Variants in KCNQ1OT1 observed in about 807,000 individuals in gnomAD.
KCNQ1OT1 encodes KCNQ1 antisense RNA 2 (non-protein coding).
Position 2,676,415 on chromosome 11 carries a change from G to A in KCNQ1OT1, n.23580C>T. 2.5e-6 allele frequency: 1 copy of A among 398,650 alleles called. No homozygotes were observed. The highest frequency in any genetic ancestry group is 4.4e-5 in the Admixed American group (1 of 22,738). The allele number at this position is 398,650 out of a possible 1,614,324, so 24.7% of individuals were successfully genotyped here. A position where few individuals can be genotyped will look rare whatever the true frequency, so the allele number is the denominator to read the frequency against. ...TGTTCAGCTAGAGATTTAGCCCAAT[G>A]GGCTGGGCTTTTCCCAGATAGGACA... On this transcript the variant is annotated non_coding_transcript_exon_variant, in exon 1 of 1. Coordinates refer to ENST00000597346, the Ensembl canonical transcript of KCNQ1OT1. This position sits in a 1 kb window ranked among gnomAD's most constrained non-coding sequence, Gnocchi z 4.2.
In KCNQ1OT1 at chr11:2,647,436, G is replaced by A. The variant is rs116778394; in HGVS notation, n.52559C>T. 4.4e-3 allele frequency: 1,771 copies of A among 398,466 alleles called. 16 individuals are homozygous for A. The highest frequency in any genetic ancestry group is 0.026 in the African/African-American group (1,253 of 48,712). The allele number at this position is 398,466 out of a possible 1,614,324, so 24.7% of individuals were successfully genotyped here. On this transcript the variant is annotated non_coding_transcript_exon_variant, in exon 1 of 1. Transcript: ENST00000597346. This position sits in a 1 kb window ranked among gnomAD's most constrained non-coding sequence, Gnocchi z 4.0. Reference sequence around the variant, plus strand: ...AGGATTCTGCATCTATGTTCATCAGGGAGATTGGCCTGTAGTTTTCTTTTT... The same window carrying A: ...AGGATTCTGCATCTATGTTCATCAGAGAGATTGGCCTGTAGTTTTCTTTTT...
chr11:2,690,159 C>T lies in KCNQ1OT1; in HGVS notation n.9836G>A. The T allele has an allele frequency of 5.0e-6, 2 of 398,848 alleles. No individual in the cohort carries two copies. The highest frequency in any genetic ancestry group is 8.8e-6 in the Non-Finnish European group (2 of 226,228). 24.7% of individuals were successfully genotyped at this position (398,848 alleles called of 1,614,324 possible). ...AAGCGGGCAGCCCTCCCCAGCATGA[C>T]AGGATGTGGAAGGCTGGTCTCTCCA... On this transcript the variant is annotated non_coding_transcript_exon_variant, in exon 1 of 1. Coordinates refer to ENST00000597346, the Ensembl canonical transcript of KCNQ1OT1. The surrounding 1 kb of genome is among the most constrained non-coding windows in gnomAD (Gnocchi z 5.1).
rs1046778882 is a variant in KCNQ1OT1 at position 2,626,267 on chromosome 11, A to T, written n.73728T>A. 3 of 398,360 alleles carry T rather than the reference A, an allele frequency of 7.5e-6. No homozygotes were observed. Among genetic ancestry groups the T allele is most frequent in the African/African-American group, 4.1e-5 (2 of 48,590 alleles). 24.7% of individuals were successfully genotyped at this position (398,360 alleles called of 1,614,324 possible). On this transcript the variant is annotated non_coding_transcript_exon_variant, in exon 1 of 1. Transcript: ENST00000597346. The surrounding 1 kb of genome is among the most constrained non-coding windows in gnomAD (Gnocchi z 4.0). ...GTCTCAACTTCATTCTCTTTTATACATGGTTAGGTAAGGATCTCAACTTCA... is the reference window on the plus strand; with the variant it reads ...GTCTCAACTTCATTCTCTTTTATACTTGGTTAGGTAAGGATCTCAACTTCA...
chr11:2,652,088 C>T lies in KCNQ1OT1; in HGVS notation n.47907G>A, dbSNP rs1316765485. ...ATTTGAGAAGCTATGGGGAGCCTCT[C>T]GGCCCCAGTTCTGGCCTGGCTGGGA... On this transcript the variant is annotated non_coding_transcript_exon_variant, in exon 1 of 1. Coordinates refer to ENST00000597346, the Ensembl canonical transcript of KCNQ1OT1. The surrounding 1 kb of genome is among the most constrained non-coding windows in gnomAD (Gnocchi z 5.9). 2.3e-5 allele frequency: 9 copies of T among 398,662 alleles called. No homozygotes were observed. In the South Asian group the frequency reaches 5.1e-4, roughly 23 times the overall value. 24.7% of individuals were successfully genotyped at this position (398,662 alleles called of 1,614,324 possible).
exon 1 of KCNQ1OT1, chr11:2,688,609 T>C (rs1850533486): frequency 2.5e-6 from 1 of 398,608 alleles, no homozygotes; most frequent in African/African-American, 2.1e-5. Flanking sequence ...GCACTCATCT[T>C]GTGCTGTGCC....
Position 2,664,556 on chromosome 11 carries a change from C to T in KCNQ1OT1, n.35439G>A, listed in dbSNP as rs941796129. 7.5e-6 allele frequency: 3 copies of T among 398,676 alleles called. No individual in the cohort carries two copies. The highest frequency in any genetic ancestry group is 4.1e-5 in the African/African-American group (2 of 48,740). The allele number at this position is 398,676 out of a possible 1,614,324, so 24.7% of individuals were successfully genotyped here. A position where few individuals can be genotyped will look rare whatever the true frequency, so the allele number is the denominator to read the frequency against. ...CGCCTGGCGGCAGGGGTGTGGGGGC[C>T]GTGCAGGTCTTCTGCCCGCATTGGG... On this transcript the variant is annotated non_coding_transcript_exon_variant, in exon 1 of 1. Coordinates refer to ENST00000597346, the Ensembl canonical transcript of KCNQ1OT1. The surrounding 1 kb of genome is among the most constrained non-coding windows in gnomAD (Gnocchi z 5.1).
chr11:2,640,174 C>A, exon 1 of KCNQ1OT1: 2 of 383,690 alleles, frequency 5.2e-6, no homozygotes, highest in East Asian at 7.4e-5. Flanking sequence ...CGATGCCTCG[C>A]CCTACTTCGT....
chr11:2,695,501 C>G lies in KCNQ1OT1; in HGVS notation n.4494G>C. 2.5e-6 allele frequency: 1 copy of G among 398,652 alleles called. No homozygotes were observed. Among genetic ancestry groups the G allele is most frequent in the Non-Finnish European group, 4.4e-6 (1 of 226,126 alleles). 24.7% of individuals were successfully genotyped at this position (398,652 alleles called of 1,614,324 possible). A position where few individuals can be genotyped will look rare whatever the true frequency, so the allele number is the denominator to read the frequency against. ...ATCTTGTGAAGTGTACATCTAGTCC[C>G]CTGCTCCTAACCACAGTGACCAGCT... On this transcript the variant is annotated non_coding_transcript_exon_variant, in exon 1 of 1. Transcript: ENST00000597346. This position sits in a 1 kb window ranked among gnomAD's most constrained non-coding sequence, Gnocchi z 5.2.
exon 1 of KCNQ1OT1, chr11:2,692,964 C>G (rs1160352605): frequency 5.0e-6 from 2 of 398,524 alleles, no homozygotes; most frequent in Non-Finnish European, 8.8e-6. Context: ...AATAATGAGG[C>G]CCACTGAACT....
rs1313552132 is a variant in KCNQ1OT1, at chr11:2,620,217, T to A, written n.79778A>T. 8.7e-4 allele frequency: 226 copies of A among 261,178 alleles called. 1 individual carries two copies. Among genetic ancestry groups the A allele is most frequent in the South Asian group, 1.8e-3 (10 of 5,426 alleles). The allele number at this position is 261,178 out of a possible 1,614,324, so 16.2% of individuals were successfully genotyped here. A position where few individuals can be genotyped will look rare whatever the true frequency, so the allele number is the denominator to read the frequency against. On this transcript the variant is annotated non_coding_transcript_exon_variant, in exon 1 of 1. Coordinates refer to ENST00000597346, the Ensembl canonical transcript of KCNQ1OT1. This position sits in a 1 kb window ranked among gnomAD's most constrained non-coding sequence, Gnocchi z 4.5. ...CATTCATGTATATATATATATTTTTTTTTTTTATTTTTTTTTTAGACGGAG... is the reference window on the plus strand; with the variant it reads ...CATTCATGTATATATATATATTTTTATTTTTTATTTTTTTTTTAGACGGAG...
exon 1 of KCNQ1OT1, chr11:2,632,035 T>C (rs969899761): frequency 1.8e-5 from 7 of 395,760 alleles, no homozygotes; most frequent in African/African-American, 1.2e-4. Context: ...ACAAAAACAT[T>C]AGCCAGGCAT....
chr11:2,614,156 A>T (rs1271442422), exon 1 of KCNQ1OT1: 1 of 398,358 alleles, frequency 2.5e-6, no homozygotes, highest in Non-Finnish European at 4.4e-6. Flanking sequence ...TCTACTCCAT[A>T]AATCGAATCT....
exon 1 of KCNQ1OT1, chr11:2,699,480 G>C: frequency 2.6e-6 from 1 of 379,940 alleles, no homozygotes; most frequent in Non-Finnish European, 4.6e-6. Context: ...GCGCTGAGGA[G>C]CCCCCGGGGA....
chr11:2,645,354 A>G lies in KCNQ1OT1; in HGVS notation n.54641T>C, dbSNP rs557777532. 1 of 398,752 alleles carries G rather than the reference A, an allele frequency of 2.5e-6. No individual in the cohort carries two copies. Among genetic ancestry groups the G allele is most frequent in the South Asian group, 1.3e-4 (1 of 7,850 alleles). 24.7% of individuals were successfully genotyped at this position (398,752 alleles called of 1,614,324 possible). A position where few individuals can be genotyped will look rare whatever the true frequency, so the allele number is the denominator to read the frequency against. ...GGTGATCCCTAGGCCCAGAGATGGT[A>G]TGCGCTGGCACTGGGAGAAAAGAGG... is the stretch of plus-strand genomic sequence containing the variant. On this transcript the variant is annotated non_coding_transcript_exon_variant, in exon 1 of 1. Coordinates refer to ENST00000597346, the Ensembl canonical transcript of KCNQ1OT1. This position sits in a 1 kb window ranked among gnomAD's most constrained non-coding sequence, Gnocchi z 5.8.
chr11:2,660,461 G>T, exon 1 of KCNQ1OT1: 1 of 398,530 alleles, frequency 2.5e-6, no homozygotes, highest in South Asian at 1.3e-4. Flanking sequence ...ACATAATTCA[G>T]GTGAAAAAAC....
In KCNQ1OT1 at chr11:2,642,550, AG is replaced by A. The variant is rs1849596131; in HGVS notation, n.57444del. ...TTTTCATTTTTGATTTTATTCATGTAGGTCTTCTCTCTTTTCTTCTTGGATA... is the reference window on the plus strand; with the variant it reads ...TTTTCATTTTTGATTTTATTCATGTAGTCTTCTCTCTTTTCTTCTTGGATA... On this transcript the variant is annotated non_coding_transcript_exon_variant, in exon 1 of 1. Transcript: ENST00000597346. This position sits in a 1 kb window ranked among gnomAD's most constrained non-coding sequence, Gnocchi z 4.3. The A allele has an allele frequency of 2.5e-6, 1 of 397,668 alleles. No homozygotes were observed. Among genetic ancestry groups the A allele is most frequent in the African/African-American group, 2.1e-5 (1 of 48,574 alleles). 24.6% of individuals were successfully genotyped at this position (397,668 alleles called of 1,614,324 possible).
At chr11:2,662,668 C>A (rs976303177) in exon 1 of KCNQ1OT1, 2 of 405,832 alleles carry the variant, frequency 4.9e-6, no homozygotes, top group African/African-American at 2.1e-5. Flanking sequence ...ACATGTGACT[C>A]CCCGCTGGGG....
chr11:2,657,659 A>C lies in KCNQ1OT1; in HGVS notation n.42336T>G. 1 of 398,630 alleles carries C rather than the reference A, an allele frequency of 2.5e-6. No homozygotes were observed. Among genetic ancestry groups the C allele is most frequent in the East Asian group, 3.6e-5 (1 of 28,082 alleles). 24.7% of individuals were successfully genotyped at this position (398,630 alleles called of 1,614,324 possible). On this transcript the variant is annotated non_coding_transcript_exon_variant, in exon 1 of 1. Transcript: ENST00000597346. This position sits in a 1 kb window ranked among gnomAD's most constrained non-coding sequence, Gnocchi z 4.8. ...GTTATAAATTTATTTGGATTTCCCC[A>C]GTTTAACTACTAATGTCCTTTTTCT... is the stretch of plus-strand genomic sequence containing the variant.
At position 2,624,613 on chromosome 11, in the gene KCNQ1OT1, T is replaced by G; in HGVS notation, n.75382A>C. The G allele has an allele frequency of 2.5e-6, 1 of 398,552 alleles. No individual in the cohort carries two copies. The highest frequency in any genetic ancestry group is 4.4e-6 in the Non-Finnish European group (1 of 226,042). 24.7% of individuals were successfully genotyped at this position (398,552 alleles called of 1,614,324 possible). A position where few individuals can be genotyped will look rare whatever the true frequency, so the allele number is the denominator to read the frequency against. On this transcript the variant is annotated non_coding_transcript_exon_variant, in exon 1 of 1. Transcript: ENST00000597346. This position sits in a 1 kb window ranked among gnomAD's most constrained non-coding sequence, Gnocchi z 4.9. The stretch of plus-strand genomic sequence containing the variant: ...ATAAAAATTACCATCCTAACCAATT[T>G]TAGTGTACAATTCAGTGAATGTATT...
Sources: allele counts gnomAD v4.1 joint callset, GRCh38; gene constraint gnomAD v4.1.1; non-coding constraint Gnocchi (gnomAD v3.1); transcripts MANE v1.5; gene names NCBI Gene and HGNC (gene_info 2026-07-23, HGNC 2026-07-21).